The following THRAP3 variants were observed in gnomAD, a reference collection of about 807,000 sequenced individuals.
THRAP3 encodes thyroid hormone receptor-associated protein 3.
A neutral mutation model predicts 101.0 loss-of-function variants in THRAP3; 16 were observed. The ratio of observed to expected loss-of-function variants is 0.16; its 90% confidence interval spans 0.11 to 0.24. THRAP3 has a LOEUF of 0.24. THRAP3 is among the 10% of genes least tolerant of loss of function. THRAP3 has a pLI of 1.00. For synonymous variants in THRAP3, 407 were observed against 422.6 expected (o/e 0.96, Z 0.45); for missense variants, 989 against 1,202.7 (o/e 0.82, Z 2.63).
chr1:36,299,270 C>T (rs1280288145), intron 9 of THRAP3, among the ~76,000 whole-genome samples: 1 of 151,822 alleles, frequency 6.6e-6, no homozygotes, highest in Non-Finnish European at 1.5e-5. Flanking sequence ...GAAACCCTGT[C>T]TCTACTAAAA....
At chr1:36,247,040 CGGGTGCA>C (rs1013042743) in intron 1 of THRAP3, among the ~76,000 whole-genome samples, 11 of 151,768 alleles carry the variant, frequency 7.2e-5, no homozygotes, top group African/African-American at 2.4e-4. Flanking sequence ...CTTTTTTGGC[CGGGTGCA>C]GTGGCCCACG....
intron 2 of THRAP3, among the ~76,000 whole-genome samples, chr1:36,278,458 A>G (rs891373131): frequency 6.6e-6 from 1 of 152,174 alleles, no homozygotes; most frequent in African/African-American, 2.4e-5. Flanking sequence ...ATCAAGGACC[A>G]TTGATCTGCT....
chr1:36,231,843 G>A (rs533137050), intron 1 of THRAP3, among the ~76,000 whole-genome samples: 2 of 152,114 alleles, frequency 1.3e-5, no homozygotes, highest in African/African-American at 4.8e-5. Context: ...AAAGACTATC[G>A]GCTATCAGAA....
chr1:36,228,994 T>G (rs1412817832), intron 1 of THRAP3, among the ~76,000 whole-genome samples: 1 of 152,184 alleles, frequency 6.6e-6, no homozygotes, highest in African/African-American at 2.4e-5. Context: ...AGCCAGACCC[T>G]GTCTCTAAGG....
chr1:36,232,124 G>A (rs1050855323), intron 1 of THRAP3, among the ~76,000 whole-genome samples: 3 of 152,174 alleles, frequency 2.0e-5, no homozygotes, highest in African/African-American at 7.2e-5. Flanking sequence ...GCTGAGGCAG[G>A]AGAATTACTT....
chr1:36,289,332 C>A lies in THRAP3; in HGVS notation c.1313C>A (p.Ala438Asp). 1 of 1,613,946 alleles carries A rather than the reference C, an allele frequency of 6.2e-7. No homozygotes were observed. Among genetic ancestry groups the A allele is most frequent in the Non-Finnish European group, 8.5e-7 (1 of 1,180,006 alleles). The change falls in exon 5 of 12, where the codon GCT becomes GAT. Residue 438 changes from alanine to aspartate, a missense_variant. By Grantham distance (126) the Ala-to-Asp change is moderately radical (BLOSUM62 -2). Transcript: ENST00000354618. Reference sequence around the variant, plus strand: ...ATGGATGATCAAGATAAGGACAAAGCTAAGGGAAGAAAGGAATCTGAGTTT... The same window carrying A: ...ATGGATGATCAAGATAAGGACAAAGATAAGGGAAGAAAGGAATCTGAGTTT... The part of the protein sequence containing the change: ...EEMDDQDKDK[A>D]KGRKESEFDD...
At chr1:36,240,334 C>G (rs552447411) in intron 1 of THRAP3, among the ~76,000 whole-genome samples, 53 of 152,258 alleles carry the variant, frequency 3.5e-4, no homozygotes, top group African/African-American at 1.2e-3. Flanking sequence ...TGGGAGGCCT[C>G]TAGTGCAAGT....
chr1:36,232,440 A>G (rs1162452704), intron 1 of THRAP3, among the ~76,000 whole-genome samples: 2 of 151,832 alleles, frequency 1.3e-5, no homozygotes, highest in Admixed American at 1.3e-4. Context: ...CTATAATAGT[A>G]CTCCTCTTCA....
intron 1 of THRAP3, among the ~76,000 whole-genome samples, chr1:36,247,150 C>T (rs1240008653): frequency 6.6e-6 from 1 of 151,842 alleles, no homozygotes; most frequent in Non-Finnish European, 1.5e-5. Context: ...AACCCTGTTT[C>T]TACTAAAGAT....
At position 36,300,876 on chromosome 1, in the gene THRAP3, CT is replaced by C. The variant is rs765236765; in HGVS notation, c.2304-6del. On this transcript the variant is annotated splice_polypyrimidine_tract_variant and intron_variant, in intron 9 of 11. Coordinates refer to ENST00000354618, the MANE Select transcript of THRAP3 (RefSeq NM_005119.4). ...GATGATTGATCACCCTGGCTCTTCT[CT>C]TTTCACAGGAAGCATCGGAGAGCAA... is the stretch of plus-strand genomic sequence containing the variant. 2 of 1,612,548 alleles carry C rather than the reference CT, an allele frequency of 1.2e-6. No individual in the cohort carries two copies. Among genetic ancestry groups the C allele is most frequent in the Non-Finnish European group, 1.7e-6 (2 of 1,179,818 alleles).
intron 1 of THRAP3, among the ~76,000 whole-genome samples, chr1:36,252,519 T>C (rs1557818967): frequency 6.6e-6 from 1 of 152,180 alleles, no homozygotes. Flanking sequence ...TCAGATACTT[T>C]AGGCTTTGCT....
At chr1:36,242,730 C>T (rs1340050801) in intron 1 of THRAP3, among the ~76,000 whole-genome samples, 1 of 152,116 alleles carries the variant, frequency 6.6e-6, no homozygotes, top group East Asian at 1.9e-4. Context: ...GGATTACAGG[C>T]GTGAGCCACC....
intron 10 of THRAP3, 24 bp downstream of exon 10, chr1:36,301,108 T>C: frequency 1.2e-6 from 2 of 1,609,228 alleles, no homozygotes; most frequent in Non-Finnish European, 1.7e-6. Context: ...CTCTCCCCCT[T>C]TCTCTGAGAC....
intron 2 of THRAP3, among the ~76,000 whole-genome samples, chr1:36,267,580 C>A (rs1645531876): frequency 6.6e-6 from 1 of 152,120 alleles, no homozygotes; most frequent in Non-Finnish European, 1.5e-5. Context: ...CAGTTCCACC[C>A]AATTCCAGGG....
At chr1:36,280,931 A>AT (rs903145018) in intron 2 of THRAP3, among the ~76,000 whole-genome samples, 36 of 149,490 alleles carry the variant, frequency 2.4e-4, no homozygotes, top group African/African-American at 6.9e-4. Context: ...ATTTTTATTT[A>AT]TTTTTTTTTT....
chr1:36,253,760 ATTTTT>A (rs58306701), intron 1 of THRAP3, among the ~76,000 whole-genome samples: 11 of 100,236 alleles, frequency 1.1e-4, no homozygotes, highest in Non-Finnish European at 1.5e-4. Flanking sequence ...AGTCAGGCTA[ATTTTT>A]TTTTTTTTTT....
At chr1:36,213,519 T>G in the THRAP3 span, among the ~76,000 whole-genome samples, 1 of 152,064 alleles carries the variant, frequency 6.6e-6, no homozygotes, top group Non-Finnish European at 1.5e-5. Context: ...CCAAGATTCC[T>G]CTGAGATTTT....
At chr1:36,291,110 T>G (rs778555750) in intron 5 of THRAP3, among the ~76,000 whole-genome samples, 4 of 152,166 alleles carry the variant, frequency 2.6e-5, no homozygotes, top group Non-Finnish European at 5.9e-5. Flanking sequence ...TTAAAATACT[T>G]TCTCATTTGT....
chr1:36,212,406 TTTTC>T, the THRAP3 span, among the ~76,000 whole-genome samples: 10 of 149,378 alleles, frequency 6.7e-5, no homozygotes, highest in South Asian at 4.2e-4. Flanking sequence ...TCTTTTTTTC[TTTTC>T]TTTCTTTCTT....
Sources: allele counts gnomAD v4.1 joint callset (sites outside exome capture counted in the v4.1 genomes callset), GRCh38; gene constraint gnomAD v4.1.1; transcripts MANE v1.5; gene names NCBI Gene and HGNC (gene_info 2026-07-23, HGNC 2026-07-21).